Variants in CDC20B observed in about 807,000 individuals in gnomAD.
CDC20B encodes the protein cell division cycle 20B.
CDC20B carries 58 observed loss-of-function variants against 64.1 expected under a neutral mutation model. The ratio of observed to expected loss-of-function variants is 0.90; its 90% confidence interval spans 0.73 to 1.13. The LOEUF is 1.13. Ranked by LOEUF, CDC20B falls within the 50% of genes most tolerant of loss-of-function variation. The probability of loss-of-function intolerance (pLI) is 0.00; values close to 1 mark genes in which losing one functional copy is unlikely to be tolerated. For synonymous variants in CDC20B, 243 were observed against 230.6 expected, an observed-to-expected ratio of 1.05 and a Z score of -0.49; for missense variants, 597 against 633.0, an observed-to-expected ratio of 0.94 and a Z score of 0.61.
At chr5:55,150,244 A>G (rs1431378046) in intron 2 of CDC20B, among the ~76,000 whole-genome samples, 10 of 152,286 alleles carry the variant, frequency 6.6e-5, no homozygotes, top group Non-Finnish European at 7.3e-5. Context: ...TGAATAAAAC[A>G]TGCAAATGCT....
At chr5:55,127,500 G>A (rs907841737) in intron 7 of CDC20B, 149 bp from the exon 8 acceptor site, 7 of 653,394 alleles carry the variant, frequency 1.1e-5, no homozygotes, top group African/African-American at 9.0e-5. Flanking sequence ...TCTCAATTCT[G>A]ACTGTGTATT....
In CDC20B at chr5:55,113,518, T is replaced by C. The variant is rs957935188; in HGVS notation, c.*700A>G. On this transcript the variant is annotated 3_prime_UTR_variant, in exon 12 of 12. Coordinates refer to ENST00000381375, the MANE Select transcript of CDC20B (RefSeq NM_001170402.1). ...AGTGGTGTGGAGTCAAGAGGATCAG[T>C]TCTAAGACAATTACAGCAGACTGGC... 1.3e-5 allele frequency: 2 copies of C among 152,648 alleles called. No homozygotes were observed. Among genetic ancestry groups the C allele is most frequent in the African/African-American group, 4.8e-5 (2 of 41,562 alleles). 9.5% of individuals were successfully genotyped at this position (152,648 alleles called of 1,614,324 possible).
chr5:55,169,921 A>G lies in CDC20B; in HGVS notation c.126+2667T>C, dbSNP rs889512348. On this transcript the variant is annotated intron_variant, in intron 2 of 11. Transcript: ENST00000381375. ...GAGGTCAGGAGATCGAGACCATCCCAGCTAACACGGTGAAACCCCGTCTCT... is the reference window on the plus strand; with the variant it reads ...GAGGTCAGGAGATCGAGACCATCCCGGCTAACACGGTGAAACCCCGTCTCT... Among the ~76,000 whole-genome samples the G allele has an allele frequency of 3.7e-4, 57 of 152,226 alleles. 1 individual carries two copies. The highest frequency in any genetic ancestry group is 7.9e-4 in the Admixed American group (12 of 15,286).
intron 2 of CDC20B, chr5:55,160,814 G>A (rs1430140695): frequency 1.0e-5 from 6 of 591,350 alleles, no homozygotes; most frequent in Non-Finnish European, 1.4e-5. Context: ...CTATTTCAGG[G>A]CCTTAACCCA....
At chr5:55,160,071 T>C (rs1743950710) in intron 2 of CDC20B, 6 of 678,266 alleles carry the variant, frequency 8.8e-6, no homozygotes, top group Admixed American at 2.5e-5. Context: ...GGTCTTTCTG[T>C]TCCTTAGCAG....
intron 5 of CDC20B, chr5:55,137,693 A>G (rs1357842485): frequency 6.6e-6 from 3 of 456,574 alleles, no homozygotes; most frequent in East Asian, 6.9e-5. Context: ...ATGGCCATGT[A>G]AGTTTATTTC....
At chr5:55,160,499 AT>A in intron 2 of CDC20B, 1 of 819,446 alleles carries the variant, frequency 1.2e-6, no homozygotes, top group Non-Finnish European at 2.0e-6. Flanking sequence ...ATAAGTTGGA[AT>A]TTAGTCTTCA....
Position 55,160,911 on chromosome 5 carries a change from T to C in CDC20B, c.126+11677A>G, listed in dbSNP as rs1744011719. On this transcript the variant is annotated intron_variant, in intron 2 of 11. Coordinates refer to ENST00000381375, the MANE Select transcript of CDC20B (RefSeq NM_001170402.1). The stretch of plus-strand genomic sequence containing the variant: ...ATCAGAGGTTATAGTCCCCCCCAAA[T>C]TGTTTAGGATTTTAACTACTTGCAG... 5.0e-6 allele frequency: 7 copies of C among 1,402,834 alleles called. No individual in the cohort carries two copies. The South Asian group carries it at 7.1e-5, about 14-fold the overall frequency. The allele number at this position is 1,402,834 out of a possible 1,614,324, so 86.9% of individuals were successfully genotyped here.
chr5:55,169,519 A>G (rs892381449), intron 2 of CDC20B, among the ~76,000 whole-genome samples: 7 of 152,222 alleles, frequency 4.6e-5, no homozygotes, highest in African/African-American at 1.7e-4. Context: ...ATGAGAATAT[A>G]TTTAAGGTCA....
chr5:55,152,559 G>A (rs1743696190), intron 2 of CDC20B, among the ~76,000 whole-genome samples: 1 of 152,160 alleles, frequency 6.6e-6, no homozygotes, highest in Admixed American at 6.5e-5. Context: ...ATAGGCAGCT[G>A]TACACTACAT....
rs926907574 is a variant in CDC20B at position 55,151,879 on chromosome 5, C to T, written c.127-5023G>A. ...GTCCCTAGAGAGATCCAGATCCTAA[C>T]CCCTGGAACCTATAAATGTTACTTC... On this transcript the variant is annotated intron_variant, in intron 2 of 11. Transcript: ENST00000381375. 2.6e-5 allele frequency among the ~76,000 whole-genome samples: 4 copies of T among 152,188 alleles called. No homozygotes were observed. The South Asian group carries it at 6.2e-4, about 24-fold the overall frequency.
At position 55,146,620 on chromosome 5, in the gene CDC20B, C is replaced by A. The variant is rs1204442726; in HGVS notation, c.355+8G>T. On this transcript the variant is annotated splice_region_variant and intron_variant, in intron 3 of 11. Transcript: ENST00000381375. Reference sequence around the variant, plus strand: ...CAAAACGGGGCTGTGGCGTTTGGGGCACCTCACCTAGAGTCAAGGTCTCTT... The same window carrying A: ...CAAAACGGGGCTGTGGCGTTTGGGGAACCTCACCTAGAGTCAAGGTCTCTT... 6.2e-7 allele frequency: 1 copy of A among 1,605,762 alleles called. No homozygotes were observed. Among genetic ancestry groups the A allele is most frequent in the South Asian group, 1.1e-5 (1 of 90,794 alleles).
chr5:55,140,758 C>G (rs527728919), intron 4 of CDC20B, among the ~76,000 whole-genome samples: 1 of 152,230 alleles, frequency 6.6e-6, no homozygotes, highest in African/African-American at 2.4e-5. Context: ...AGCTGAATGG[C>G]CATCTTAAGG....
chr5:55,123,876 A>C (rs150828492), intron 9 of CDC20B, among the ~76,000 whole-genome samples: 9 of 152,302 alleles, frequency 5.9e-5, no homozygotes, highest in African/African-American at 1.7e-4. Flanking sequence ...ACAAGCCAGG[A>C]ATATTGGGCC....
At chr5:55,162,090 C>CAAAAAAAAAA in intron 2 of CDC20B, among the ~76,000 whole-genome samples, 1 of 90,730 alleles carries the variant, frequency 1.1e-5, no homozygotes, top group Non-Finnish European at 2.2e-5. Flanking sequence ...CCATATTAGT[C>CAAAAAAAAAA]AAAAAAAAAA....
Position 55,133,541 on chromosome 5 carries a change from AACACTTCT to A in CDC20B, c.581-21_581-14del. 7.8e-7 allele frequency: 1 copy of A among 1,275,214 alleles called. No homozygotes were observed. The highest frequency in any genetic ancestry group is 1.4e-5 in the South Asian group (1 of 72,504). The allele number at this position is 1,275,214 out of a possible 1,614,324, so 79.0% of individuals were successfully genotyped here. A position where few individuals can be genotyped will look rare whatever the true frequency, so the allele number is the denominator to read the frequency against. On this transcript the variant is annotated splice_polypyrimidine_tract_variant and intron_variant, in intron 5 of 11. Coordinates refer to ENST00000381375, the MANE Select transcript of CDC20B (RefSeq NM_001170402.1). Reference sequence around the variant, plus strand: ...CCATCTTTGCAGCCTACAAGAAACAAACACTTCTACACAGCTCTAAGATCCTGAAAATA... The same window carrying A: ...CCATCTTTGCAGCCTACAAGAAACAAACACAGCTCTAAGATCCTGAAAATA...
At chr5:55,154,297 A>G (rs1743753062) in intron 2 of CDC20B, among the ~76,000 whole-genome samples, 1 of 152,148 alleles carries the variant, frequency 6.6e-6, no homozygotes, top group Non-Finnish European at 1.5e-5. Flanking sequence ...CAGAGGGGGA[A>G]TCACTTGAGG....
intron 2 of CDC20B, among the ~76,000 whole-genome samples, chr5:55,153,726 C>G (rs35428146): frequency 2.6e-5 from 4 of 152,228 alleles, no homozygotes; most frequent in East Asian, 3.9e-4. Context: ...AGTTAAAATA[C>G]TAAAGGACAG....
At chr5:55,120,615 T>G in intron 9 of CDC20B, 65 bp from the exon 10 acceptor site, 1 of 1,590,780 alleles carries the variant, frequency 6.3e-7, no homozygotes, top group Non-Finnish European at 8.6e-7. Context: ...ATGAATGTGA[T>G]GCACTTAGGT....
Sources: allele counts gnomAD v4.1 joint callset (sites outside exome capture counted in the v4.1 genomes callset), GRCh38; gene constraint gnomAD v4.1.1; transcripts MANE v1.5; gene names NCBI Gene and HGNC (gene_info 2026-07-23, HGNC 2026-07-21).